FMNL2: variants seen among roughly 807,000 people sequenced by gnomAD.
FMNL2 encodes the protein formin-like protein 2.
FMNL2 carries 51 observed loss-of-function variants against 130.2 expected under a neutral mutation model. That is an observed-to-expected ratio of 0.39 (90% confidence interval 0.31 to 0.49). FMNL2 has a LOEUF of 0.49. Ranked by LOEUF, FMNL2 falls within the 20% of genes least tolerant of loss-of-function variation. The probability of loss-of-function intolerance (pLI) is 0.85; values close to 1 mark genes in which losing one functional copy is unlikely to be tolerated. For synonymous variants in FMNL2, 465 were observed against 467.1 expected (o/e 1.00, Z 0.06); for missense variants, 977 against 1,316.2 (o/e 0.74, Z 3.99).
chr2:152,561,676 C>T (rs1270511550), intron 6 of FMNL2, among the ~76,000 whole-genome samples: 1 of 151,804 alleles, frequency 6.6e-6, no homozygotes, highest in East Asian at 1.9e-4. Context: ...CAGGCTCAAG[C>T]GATTCTCCTG....
chr2:152,367,687 GCTGA>G (rs1005258369), intron 1 of FMNL2, among the ~76,000 whole-genome samples: 10 of 152,164 alleles, frequency 6.6e-5, no homozygotes, highest in African/African-American at 2.4e-4. Flanking sequence ...GCTCCAGGAA[GCTGA>G]CTGAGCACGT....
intron 1 of FMNL2, among the ~76,000 whole-genome samples, chr2:152,499,342 G>A (rs1212252400): frequency 6.6e-6 from 1 of 152,210 alleles, no homozygotes; most frequent in African/African-American, 2.4e-5. Context: ...AAAGTCCTGA[G>A]AGTTCCAGCC....
chr2:152,580,532 C>CT (rs372894209), intron 8 of FMNL2, among the ~76,000 whole-genome samples: 53 of 149,386 alleles, frequency 3.5e-4, no homozygotes, highest in African/African-American at 8.6e-4. Flanking sequence ...TGATTTTGAA[C>CT]TTTTTTTTTT....
chr2:152,622,660 A>C (rs904255940), intron 15 of FMNL2: 2 of 449,234 alleles, frequency 4.5e-6, no homozygotes, highest in African/African-American at 4.1e-5. Flanking sequence ...GATCCATTGC[A>C]TTTTGACTTT....
At chr2:152,517,096 T>C (rs1692815274) in intron 1 of FMNL2, among the ~76,000 whole-genome samples, 1 of 152,204 alleles carries the variant, frequency 6.6e-6, no homozygotes, top group African/African-American at 2.4e-5. Context: ...ATTCATGGTT[T>C]CATGGTTTAT....
At chr2:152,640,529 T>C (rs1682992505) in intron 24 of FMNL2, among the ~76,000 whole-genome samples, 2 of 152,236 alleles carry the variant, frequency 1.3e-5, no homozygotes, top group Admixed American at 1.3e-4. Context: ...TTAAGACATC[T>C]ATGGTCATTA....
At chr2:152,540,425 G>A (rs1189384182) in intron 2 of FMNL2, among the ~76,000 whole-genome samples, 2 of 152,114 alleles carry the variant, frequency 1.3e-5, no homozygotes, top group Non-Finnish European at 2.9e-5. Flanking sequence ...TAGAACATTT[G>A]AAGGAATAAT....
chr2:152,500,572 G>A (rs181031131), intron 1 of FMNL2, among the ~76,000 whole-genome samples: 16 of 152,260 alleles, frequency 1.1e-4, no homozygotes, highest in Admixed American at 6.5e-5. Context: ...GCATCAAGCC[G>A]GGTGCGATGG....
At chr2:152,509,763 TGAGAGAGGG>T in intron 1 of FMNL2, among the ~76,000 whole-genome samples, 1 of 144,748 alleles carries the variant, frequency 6.9e-6, no homozygotes, top group Admixed American at 7.0e-5. Context: ...TTTTTTTTTT[TGAGAGAGGG>T]TCTTCCTCTG....
intron 16 of FMNL2, 124 bp from the exon 17 acceptor site, chr2:152,626,401 C>A: frequency 1.4e-6 from 1 of 736,158 alleles, no homozygotes; most frequent in Non-Finnish European, 2.2e-6. Flanking sequence ...ATAGAGGAAG[C>A]CATGGCCAAA....
chr2:152,456,463 A>C (rs1688963469), intron 1 of FMNL2, among the ~76,000 whole-genome samples: 1 of 152,144 alleles, frequency 6.6e-6, no homozygotes, highest in African/African-American at 2.4e-5. Context: ...TGGCCTCCCA[A>C]AGTGCTGGGA....
chr2:152,487,402 C>G (rs1216760290), intron 1 of FMNL2, among the ~76,000 whole-genome samples: 1 of 152,170 alleles, frequency 6.6e-6, no homozygotes, highest in African/African-American at 2.4e-5. Context: ...TTAATTCCAT[C>G]TAAAAGATAA....
chr2:152,389,180 A>C (rs913806476), intron 1 of FMNL2, among the ~76,000 whole-genome samples: 1 of 152,102 alleles, frequency 6.6e-6, no homozygotes, highest in African/African-American at 2.4e-5. Flanking sequence ...GTAACAGAGT[A>C]CTATAAATTA....
Position 152,629,650 on chromosome 2 carries a change from A to G in FMNL2, c.2401-6A>G. On this transcript the variant is annotated splice_region_variant and splice_polypyrimidine_tract_variant and intron_variant, in intron 18 of 25. Coordinates refer to ENST00000288670, the MANE Select transcript of FMNL2 (RefSeq NM_052905.4). ...TCCCCTTTTTCTTTCTTTGATTGGAATCTAGCAACTACATGCGATTATAGC... is the reference window on the plus strand; with the variant it reads ...TCCCCTTTTTCTTTCTTTGATTGGAGTCTAGCAACTACATGCGATTATAGC... 6.3e-7 allele frequency: 1 copy of G among 1,590,602 alleles called. No individual in the cohort carries two copies. The highest frequency in any genetic ancestry group is 1.7e-4 in the Middle Eastern group (1 of 6,026).
intron 4 of FMNL2, among the ~76,000 whole-genome samples, chr2:152,556,957 G>A (rs1219306080): frequency 6.6e-6 from 1 of 150,952 alleles, no homozygotes; most frequent in Non-Finnish European, 1.5e-5. Flanking sequence ...TACAATCACA[G>A]CCCATAGGCC....
chr2:152,509,737 C>CTGTTTTTTTTTTTT (rs1692387558), intron 1 of FMNL2, among the ~76,000 whole-genome samples: 1 of 58,676 alleles, frequency 1.7e-5, no homozygotes, highest in African/African-American at 7.1e-5. Flanking sequence ...TACTCTGGAC[C>CTGTTTTTTTTTTTT]TTTTTTTTTT....
chr2:152,401,220 T>C (rs1028011568), intron 1 of FMNL2, among the ~76,000 whole-genome samples: 1 of 152,234 alleles, frequency 6.6e-6, no homozygotes, highest in Non-Finnish European at 1.5e-5. Context: ...TTTCAAAAAG[T>C]ATTATTTTAC....
intron 1 of FMNL2, among the ~76,000 whole-genome samples, chr2:152,502,828 G>A (rs1691924141): frequency 6.6e-6 from 1 of 152,146 alleles, no homozygotes; most frequent in Admixed American, 6.5e-5. Context: ...GTATAAGGGG[G>A]TTTATTTCCT....
intron 1 of FMNL2, among the ~76,000 whole-genome samples, chr2:152,376,417 T>G (rs1684180262): frequency 6.6e-6 from 1 of 152,216 alleles, no homozygotes; most frequent in African/African-American, 2.4e-5. Context: ...GAACACTGCA[T>G]GTACCTATAA....
Sources: allele counts gnomAD v4.1 joint callset (sites outside exome capture counted in the v4.1 genomes callset), GRCh38; gene constraint gnomAD v4.1.1; transcripts MANE v1.5; gene names NCBI Gene and HGNC (gene_info 2026-07-23, HGNC 2026-07-21).